FOXO3B: variants seen among roughly 807,000 people sequenced by gnomAD.
FOXO3B encodes forkhead box O3B, also known as forkhead box protein O3B.
In FOXO3B, 15 loss-of-function variants were observed where a neutral mutation model predicts 21.9. That is an observed-to-expected ratio of 0.68 (90% CI 0.46 to 1.05). The LOEUF is 1.05. Ranked by LOEUF, FOXO3B falls within the 50% of genes least tolerant of loss-of-function variation. The pLI, the probability that FOXO3B is intolerant of heterozygous loss-of-function variation, is 0.00. For missense variants in FOXO3B, 293 were observed against 435.5 expected (o/e 0.67, Z 2.91); for synonymous variants, 135 against 213.6 (o/e 0.63, Z 3.21).
In FOXO3B at chr17:18,672,998, G is replaced by A; in HGVS notation, c.184C>T (p.Pro62Ser). Reference protein sequence around the residue: ...SRSLRGVHVPPPLHPAPAREE... With the variant: ...SRSLRGVHVPSPLHPAPAREE... ...CGCGCCGGGGCGGGGTGCAGCGGGG[G>A]AGGGACGTGGACGCCGCGAAGGCTC... The change falls in exon 4 of 4, where the codon CCC becomes TCC. Residue 62 changes from proline to serine, a missense_variant. This residue lies in a region of FOXO3B where 251 missense variants were observed against 404.0 expected (regional missense o/e 0.62). Transcript: ENST00000395675. The surrounding 1 kb of genome is among the most constrained non-coding windows in gnomAD (Gnocchi z 4.2). The A allele has an allele frequency of 6.8e-7, 1 of 1,472,496 alleles. No individual in the cohort carries two copies. Among genetic ancestry groups the A allele is most frequent in the Non-Finnish European group, 8.9e-7 (1 of 1,118,722 alleles). 91.2% of individuals were successfully genotyped at this position (1,472,496 alleles called of 1,614,324 possible). A position where few individuals can be genotyped will look rare whatever the true frequency, so the allele number is the denominator to read the frequency against.
At position 18,669,079 on chromosome 17, in the gene FOXO3B, G is replaced by A. The variant is rs556373499; in HGVS notation, c.*3230C>T. On this transcript the variant is annotated 3_prime_UTR_variant, in exon 4 of 4. Coordinates refer to ENST00000395675, the MANE Select transcript of FOXO3B (RefSeq NM_001368135.1). The stretch of plus-strand genomic sequence containing the variant: ...GCAGGGTGAAATCAACAGGGCCATC[G>A]CTCAAACATGGCAACCCAAGCGAGG... 4.0e-4 allele frequency: 57 copies of A among 142,628 alleles called. No homozygotes were observed. In the East Asian group the frequency reaches 0.01, roughly 26 times the overall value. 8.8% of individuals were successfully genotyped at this position (142,628 alleles called of 1,614,324 possible).
rs2032314698 is a variant in FOXO3B at position 18,668,911 on chromosome 17, G to C, written c.*3398C>G. On this transcript the variant is annotated 3_prime_UTR_variant, in exon 4 of 4. Coordinates refer to ENST00000395675, the MANE Select transcript of FOXO3B (RefSeq NM_001368135.1). ...AGCAAGTCTGGCTCACTGACAAGCA[G>C]ACCATATGAATAGAATACATACTTT... 3 of 152,204 alleles carry C rather than the reference G, an allele frequency of 2.0e-5. No homozygotes were observed. The allele number at this position is 152,204 out of a possible 1,614,324, so 9.4% of individuals were successfully genotyped here. A position where few individuals can be genotyped will look rare whatever the true frequency, so the allele number is the denominator to read the frequency against.
intron 3 of FOXO3B, among the ~76,000 whole-genome samples, chr17:18,678,289 G>C (rs1477826832): frequency 1.3e-5 from 2 of 152,138 alleles, no homozygotes; most frequent in Non-Finnish European, 2.9e-5. Context: ...CCTATATACA[G>C]AATAGGCCAT....
intron 3 of FOXO3B, among the ~76,000 whole-genome samples, chr17:18,675,764 A>G (rs1263270223): frequency 6.6e-6 from 1 of 152,210 alleles, no homozygotes; most frequent in Non-Finnish European, 1.5e-5. Flanking sequence ...ATTGGCTTTC[A>G]GCACGGAAAA....
At position 18,671,741 on chromosome 17, in the gene FOXO3B, C is replaced by T. The variant is rs1413537823; in HGVS notation, c.*568G>A. 7.2e-5 allele frequency: 116 copies of T among 1,613,480 alleles called. No individual in the cohort carries two copies. Among genetic ancestry groups the T allele is most frequent in the Middle Eastern group, 3.3e-4 (2 of 6,084 alleles). On this transcript the variant is annotated 3_prime_UTR_variant, in exon 4 of 4. Transcript: ENST00000395675. ...TGGGCGATGGCTGGGATGGCGGGAG[C>T]GTGATGTTATCCAGCAGGTCGTCCA... is the stretch of plus-strand genomic sequence containing the variant.
chr17:18,667,737 C>A lies in FOXO3B; in HGVS notation c.*4572G>T, dbSNP rs1415708284. Reference sequence around the variant, plus strand: ...CTTTCCTAGCTTTGGTAACAGGTATCAGGTTCTGGAGCCCTGGAGAGAACA... The same window carrying A: ...CTTTCCTAGCTTTGGTAACAGGTATAAGGTTCTGGAGCCCTGGAGAGAACA... On this transcript the variant is annotated 3_prime_UTR_variant, in exon 4 of 4. Coordinates refer to ENST00000395675, the MANE Select transcript of FOXO3B (RefSeq NM_001368135.1). 2.6e-5 allele frequency: 4 copies of A among 151,744 alleles called. No individual in the cohort carries two copies. The highest frequency in any genetic ancestry group is 5.9e-5 in the Non-Finnish European group (4 of 67,984). The allele number at this position is 151,744 out of a possible 1,614,324, so 9.4% of individuals were successfully genotyped here.
chr17:18,677,291 G>A (rs1721587077), intron 3 of FOXO3B: 2 of 1,613,502 alleles, frequency 1.2e-6, no homozygotes, highest in South Asian at 2.2e-5. Context: ...TCCTGCTGGG[G>A]AAGGACTTCC....
Position 18,672,273 on chromosome 17 carries a change from A to G in FOXO3B, c.*36T>C, listed in dbSNP as rs2032383885. 1.9e-5 allele frequency: 30 copies of G among 1,611,592 alleles called. No homozygotes were observed. The highest frequency in any genetic ancestry group is 2.3e-5 in the Non-Finnish European group (27 of 1,178,254). On this transcript the variant is annotated 3_prime_UTR_variant, in exon 4 of 4. Coordinates refer to ENST00000395675, the MANE Select transcript of FOXO3B (RefSeq NM_001368135.1). The surrounding 1 kb of genome is among the most constrained non-coding windows in gnomAD (Gnocchi z 4.2). ...CCTCATTCTGGACCCGCATGAATCGACTATGCAGTGACAGGTTGTGCCGGA... is the reference window on the plus strand; with the variant it reads ...CCTCATTCTGGACCCGCATGAATCGGCTATGCAGTGACAGGTTGTGCCGGA...
At chr17:18,674,167 C>T (rs2032432381) in intron 3 of FOXO3B, among the ~76,000 whole-genome samples, 1 of 151,724 alleles carries the variant, frequency 6.6e-6, no homozygotes, top group Admixed American at 6.6e-5. Flanking sequence ...CAATTTGGGA[C>T]TCATCTTGAT....
In FOXO3B at chr17:18,669,403, G is replaced by A. The variant is rs1338390413; in HGVS notation, c.*2906C>T. ...ATAAAATATATTTATACATTTATAC[G>A]CCTAATGCTTTTTATGCAAAGAAAA... On this transcript the variant is annotated 3_prime_UTR_variant, in exon 4 of 4. Coordinates refer to ENST00000395675, the MANE Select transcript of FOXO3B (RefSeq NM_001368135.1). 6 of 150,938 alleles carry A rather than the reference G, an allele frequency of 4.0e-5. No individual in the cohort carries two copies. The highest frequency in any genetic ancestry group is 2.1e-4 in the South Asian group (1 of 4,754). 9.3% of individuals were successfully genotyped at this position (150,938 alleles called of 1,614,324 possible). A position where few individuals can be genotyped will look rare whatever the true frequency, so the allele number is the denominator to read the frequency against.
chr17:18,671,135 T>C lies in FOXO3B; in HGVS notation c.*1174A>G. 1.1e-6 allele frequency: 1 copy of C among 944,464 alleles called. No homozygotes were observed. Among genetic ancestry groups the C allele is most frequent in the Non-Finnish European group, 1.7e-6 (1 of 581,796 alleles). 58.5% of individuals were successfully genotyped at this position (944,464 alleles called of 1,614,324 possible). On this transcript the variant is annotated 3_prime_UTR_variant, in exon 4 of 4. Transcript: ENST00000395675. ...TCTCATGGCCCATGACGGGCAGGTTTGCACTAGTTGAGTACAAGGAGGAGC... is the reference window on the plus strand; with the variant it reads ...TCTCATGGCCCATGACGGGCAGGTTCGCACTAGTTGAGTACAAGGAGGAGC...
In FOXO3B at chr17:18,670,752, T is replaced by A. The variant is rs1242782756; in HGVS notation, c.*1557A>T. Reference sequence around the variant, plus strand: ...GGGGCCATTAACAGTCTCTGCTGGGTTAGGAAAATGGCGTGGGATTCACAA... The same window carrying A: ...GGGGCCATTAACAGTCTCTGCTGGGATAGGAAAATGGCGTGGGATTCACAA... On this transcript the variant is annotated 3_prime_UTR_variant, in exon 4 of 4. Transcript: ENST00000395675. Among the ~76,000 whole-genome samples, 1 of 152,070 alleles carries A rather than the reference T, an allele frequency of 6.6e-6. No homozygotes were observed. Among genetic ancestry groups the A allele is most frequent in the African/African-American group, 2.4e-5 (1 of 41,390 alleles).
In FOXO3B at chr17:18,674,639, A is replaced by AAAAGGG. The variant is rs61684359; in HGVS notation, c.127-1585_127-1584insCCCTTT. On this transcript the variant is annotated intron_variant, in intron 3 of 3. Transcript: ENST00000395675. ...AGACTCCATCTCAAAAAAAAAAAAA[A>AAAAGGG]GGGGGGGGGGAGATTACAGACAAAT... Among the ~76,000 whole-genome samples the AAAAGGG allele has an allele frequency of 4.1e-5, 5 of 121,408 alleles. 1 individual carries two copies. Among genetic ancestry groups the AAAAGGG allele is most frequent in the African/African-American group, 1.8e-4 (5 of 28,520 alleles). 79.6% of individuals were successfully genotyped at this position (121,408 alleles called of 152,430 possible).
intron 3 of FOXO3B, chr17:18,677,670 C>A: frequency 6.2e-7 from 1 of 1,606,724 alleles, no homozygotes; most frequent in Non-Finnish European, 8.5e-7. Flanking sequence ...GGCTGAGGGT[C>A]CCATGGCCAA....
chr17:18,675,768 C>A (rs1050821446), intron 3 of FOXO3B, among the ~76,000 whole-genome samples: 2 of 151,776 alleles, frequency 1.3e-5, no homozygotes, highest in African/African-American at 2.4e-5. Context: ...GCTTTCAGCA[C>A]GGAAAAAGAC....
At position 18,671,662 on chromosome 17, in the gene FOXO3B, C is replaced by G; in HGVS notation, c.*647G>C. 6.2e-7 allele frequency: 1 copy of G among 1,613,902 alleles called. No individual in the cohort carries two copies. Among genetic ancestry groups the G allele is most frequent in the Non-Finnish European group, 8.5e-7 (1 of 1,180,022 alleles). ...AAGGAGCTGGTTGGGGAGCTCAGGCCCGAGCCCTTGGTGGTATACGGGAAG... is the reference window on the plus strand; with the variant it reads ...AAGGAGCTGGTTGGGGAGCTCAGGCGCGAGCCCTTGGTGGTATACGGGAAG... On this transcript the variant is annotated 3_prime_UTR_variant, in exon 4 of 4. Coordinates refer to ENST00000395675, the MANE Select transcript of FOXO3B (RefSeq NM_001368135.1).
chr17:18,670,353 C>T lies in FOXO3B; in HGVS notation c.*1956G>A, dbSNP rs1426193354. 6.6e-6 allele frequency among the ~76,000 whole-genome samples: 1 copy of T among 152,192 alleles called. No individual in the cohort carries two copies. The highest frequency in any genetic ancestry group is 1.5e-5 in the Non-Finnish European group (1 of 68,042). On this transcript the variant is annotated 3_prime_UTR_variant, in exon 4 of 4. Transcript: ENST00000395675. Reference sequence around the variant, plus strand: ...ATGTAATTTGTTAGTTTATGGAGTTCCATGCGCTCAAAAGCTTGTGATGCT... The same window carrying T: ...ATGTAATTTGTTAGTTTATGGAGTTTCATGCGCTCAAAAGCTTGTGATGCT...
At chr17:18,677,816 C>A (rs1194539748) in intron 3 of FOXO3B, 9 of 1,260,630 alleles carry the variant, frequency 7.1e-6, no homozygotes, top group Non-Finnish European at 9.9e-6. Flanking sequence ...CTCCCTCCAA[C>A]TCTGTCTCTA....
At chr17:18,676,498 A>AT (rs1401231257) in intron 3 of FOXO3B, among the ~76,000 whole-genome samples, 1 of 152,254 alleles carries the variant, frequency 6.6e-6, no homozygotes, top group Non-Finnish European at 1.5e-5. Flanking sequence ...ATAGATTAAT[A>AT]TCAAAATACA....
Sources: allele counts gnomAD v4.1 joint callset (sites outside exome capture counted in the v4.1 genomes callset), GRCh38; gene constraint gnomAD v4.1.1; regional missense constraint gnomAD v4.1.1; non-coding constraint Gnocchi (gnomAD v3.1); transcripts MANE v1.5; gene names NCBI Gene and HGNC (gene_info 2026-07-23, HGNC 2026-07-21).